DEAF1: variants seen among roughly 807,000 people sequenced by gnomAD.
DEAF1 encodes the protein DEAF1 transcription factor.
DEAF1 carries 53 observed loss-of-function variants against 58.9 expected under a neutral mutation model. That is an observed-to-expected ratio of 0.90 (90% CI 0.72 to 1.13). The LOEUF (loss-of-function observed/expected upper bound fraction) is 1.13. Ranked by LOEUF, DEAF1 falls within the 50% of genes most tolerant of loss-of-function variation. The pLI is 0.00. For missense variants in DEAF1, 685 were observed against 791.4 expected (o/e 0.87, Z 1.61); for synonymous variants, 385 against 340.4 (o/e 1.13, Z -1.44).
chr11:695,792 C>G (rs1014375876), upstream of DEAF1: 10 of 1,235,794 alleles, frequency 8.1e-6, no homozygotes, highest in Middle Eastern at 2.6e-4. Flanking sequence ...GAGAGGCTGC[C>G]GGGATCGCGA....
upstream of DEAF1, chr11:699,245 G>A (rs559882161): frequency 4.3e-5 from 14 of 327,240 alleles, no homozygotes; most frequent in Non-Finnish European, 5.2e-5. Context: ...TTTTTTTAAG[G>A]ACAGAGCCTT....
upstream of DEAF1, chr11:695,882 A>C (rs1213261287): frequency 2.8e-5 from 34 of 1,220,208 alleles, no homozygotes; most frequent in East Asian, 6.4e-5. Context: ...CCGGGCTTGC[A>C]GCGGCGGGCG....
In DEAF1 at chr11:688,350, C is replaced by A; in HGVS notation, c.498G>T (p.Pro166=). The change falls in exon 3 of 12, where the codon CCG becomes CCT. Residue 166 remains proline (P), a synonymous_variant. Transcript: ENST00000382409. The surrounding 1 kb of genome is among the most constrained non-coding windows in gnomAD (Gnocchi z 4.3). ...CTGTACCTGGGGTGAGGGGAGCTGC[C>A]GGGCCTTTCAGCCCGGTGGTCTCCA... ...SIVETTGLKG[P]AAPLTPGPQS... is the part of the protein sequence containing the mutation. The A allele has an allele frequency of 6.2e-7, 1 of 1,613,726 alleles. No homozygotes were observed. Among genetic ancestry groups the A allele is most frequent in the South Asian group, 1.1e-5 (1 of 91,076 alleles).
At chr11:653,679 G>C (rs1396726236) in intron 11 of DEAF1, among the ~76,000 whole-genome samples, 1 of 152,104 alleles carries the variant, frequency 6.6e-6, no homozygotes, top group East Asian at 1.9e-4. Context: ...CTCTTGCGTG[G>C]CTGTGCAGGG....
In DEAF1 at chr11:658,356, G is replaced by C. The variant is rs190688260; in HGVS notation, c.1504-4305C>G. ...AGGCAGGAGAATGGCATGAACCCAG[G>C]AGGTGGAGCTTGCAGTGAGCCGAGA... is the stretch of plus-strand genomic sequence containing the variant. On this transcript the variant is annotated intron_variant, in intron 10 of 11. Coordinates refer to ENST00000382409, the MANE Select transcript of DEAF1 (RefSeq NM_021008.4). Among the ~76,000 whole-genome samples the C allele has an allele frequency of 4.9e-3, 751 of 152,340 alleles. 5 individuals carry two copies. The highest frequency in any genetic ancestry group is 0.017 in the African/African-American group (720 of 41,580).
At chr11:670,941 T>TTTTTTTTTA (rs1859796498) in intron 10 of DEAF1, among the ~76,000 whole-genome samples, 1 of 141,864 alleles carries the variant, frequency 7.0e-6, no homozygotes, top group African/African-American at 2.6e-5. Context: ...GTTTTTTTTT[T>TTTTTTTTTA]TTTTTGAGAC....
intron 1 of DEAF1, chr11:700,568 C>T: frequency 6.9e-7 from 1 of 1,449,966 alleles, no homozygotes; most frequent in Non-Finnish European, 9.7e-7. Flanking sequence ...GTGGCTGCTG[C>T]TGCTGTGCCA....
intron 5 of DEAF1, among the ~76,000 whole-genome samples, chr11:686,127 T>TAAAA (rs56327668): frequency 7.2e-6 from 1 of 138,374 alleles, no homozygotes; most frequent in Non-Finnish European, 1.6e-5. Flanking sequence ...TACTGAAAAT[T>TAAAA]AAAAAAAAAA....
chr11:700,167 T>C (rs1206970499), upstream of DEAF1: 5 of 1,614,048 alleles, frequency 3.1e-6, no homozygotes, highest in East Asian at 2.2e-5. Context: ...CTTCAAATGC[T>C]GTTTTATCTC....
upstream of DEAF1, chr11:700,073 C>G: frequency 7.4e-7 from 1 of 1,358,166 alleles, no homozygotes; most frequent in Non-Finnish European, 1.0e-6. Context: ...GAACCAGCCC[C>G]TCTTGTTCAG....
chr11:659,806 CAG>C (rs779227444), intron 10 of DEAF1, among the ~76,000 whole-genome samples: 40 of 152,336 alleles, frequency 2.6e-4, no homozygotes, highest in Non-Finnish European at 5.3e-4. Context: ...TCTGGAGAGA[CAG>C]AGCGGGAGAG....
At chr11:673,991 G>A (rs1324900229) in intron 10 of DEAF1, 1 of 192,966 alleles carries the variant, frequency 5.2e-6, no homozygotes, top group Non-Finnish European at 1.1e-5. Context: ...TTTTGCTTGT[G>A]CTGCAGTAAT....
intron 1 of DEAF1, chr11:703,451 C>CAG: frequency 7.8e-7 from 1 of 1,275,252 alleles, no homozygotes; most frequent in Non-Finnish European, 9.9e-7. Flanking sequence ...CTTTAGCAGC[C>CAG]AGGCCTCCAC....
At chr11:653,036 A>G (rs1205848052) in intron 11 of DEAF1, among the ~76,000 whole-genome samples, 1 of 143,308 alleles carries the variant, frequency 7.0e-6, no homozygotes, top group African/African-American at 2.6e-5. Flanking sequence ...GCGAGCCAAG[A>G]TCGCACCACT....
intron 10 of DEAF1, among the ~76,000 whole-genome samples, chr11:672,167 GGATGAGAATCACT>G (rs1859858787): frequency 6.6e-6 from 1 of 152,146 alleles, no homozygotes; most frequent in Non-Finnish European, 1.5e-5. Flanking sequence ...ATACGGCCTG[GGATGAGAATCACT>G]GTTTGTTATG....
At chr11:666,677 C>A (rs7119200) in intron 10 of DEAF1, among the ~76,000 whole-genome samples, 32,987 of 151,644 alleles carry the variant, frequency 0.22, 5,288 homozygotes, top group African/African-American at 0.46. Flanking sequence ...TGCACTCCAA[C>A]CCTGGGCGAC....
intron 11 of DEAF1, among the ~76,000 whole-genome samples, chr11:652,914 T>C (rs1240054472): frequency 6.6e-6 from 1 of 151,242 alleles, no homozygotes; most frequent in Non-Finnish European, 1.5e-5. Flanking sequence ...TGAGACCCCG[T>C]CTCTACTAAA....
At chr11:671,566 T>C (rs1859825720) in intron 10 of DEAF1, among the ~76,000 whole-genome samples, 1 of 151,596 alleles carries the variant, frequency 6.6e-6, no homozygotes, top group South Asian at 2.1e-4. Flanking sequence ...GTAGAAACAC[T>C]TTTCTTCCTT....
upstream of DEAF1, chr11:695,886 G>A: frequency 1.6e-6 from 2 of 1,218,910 alleles, no homozygotes; most frequent in Non-Finnish European, 1.0e-6. Context: ...GCTTGCAGCG[G>A]CGGGCGCGGC....
Sources: gnomAD v4.1 joint callset for allele counts (sites outside exome capture counted in the v4.1 genomes callset) on GRCh38, gnomAD v4.1.1 for gene constraint, Gnocchi (gnomAD v3.1) non-coding constraint, MANE v1.5 for transcripts, NCBI Gene and HGNC (gene_info 2026-07-23, HGNC 2026-07-21) for gene names.